The following HOXB3 variants were observed in gnomAD, a reference collection of about 807,000 sequenced individuals.
HOXB3 encodes the protein homeobox protein Hox-B3.
In HOXB3, 17 loss-of-function variants were observed where a neutral mutation model predicts 29.2. The observed-to-expected ratio is 0.58, with a 90% CI of 0.40 to 0.87. The LOEUF (loss-of-function observed/expected upper bound fraction) is 0.87, where lower values mean the gene tolerates loss of function less well. Among genes scored for constraint, HOXB3 ranks in the 40% least tolerant of loss-of-function variants. HOXB3 has a pLI of 0.00. For missense variants in HOXB3, 637 were observed against 616.3 expected, an observed-to-expected ratio of 1.03 and a Z score of -0.35; for synonymous variants, 317 against 285.9, an observed-to-expected ratio of 1.11 and a Z score of -1.10.
At chr17:48,576,532 C>T in intron 1 of HOXB3, 1 of 462,276 alleles carries the variant, frequency 2.2e-6, no homozygotes, top group South Asian at 5.7e-5. Flanking sequence ...CCGTGGCCCT[C>T]TATTGTCATT....
At chr17:48,572,888 A>G (rs2069632908) in intron 2 of HOXB3, among the ~76,000 whole-genome samples, 1 of 152,128 alleles carries the variant, frequency 6.6e-6, no homozygotes, top group Admixed American at 6.5e-5. Context: ...AGTCTCAGCG[A>G]GGTCAAGGGG....
At chr17:48,566,394 A>G (rs2069387933) in intron 2 of HOXB3, among the ~76,000 whole-genome samples, 1 of 151,248 alleles carries the variant, frequency 6.6e-6, no homozygotes, top group African/African-American at 2.4e-5. Context: ...GGGAGGGGGT[A>G]TCAGTGTCAC....
Position 48,550,545 on chromosome 17 carries a change from A to G in HOXB3, c.1085T>C (p.Leu362Pro), listed in dbSNP as rs1440033807. Residue 362 changes from leucine (L) to proline (P), a missense_variant, in exon 5 of 5, where the codon CTG becomes CCG. Physicochemically the swap from Leu to Pro is moderately conservative, Grantham distance 98. Coordinates refer to ENST00000498678, the MANE Select transcript of HOXB3 (RefSeq NM_001384749.1). The part of the protein sequence containing the change: ...YVGGGGYADP[L>P]PPPAGPSLYG... ...GAGGGAGGGGCCGGCAGGGGGCGGC[A>G]GCGGATCCGCGTAGCCGCCCCCGCC... 4 of 1,528,748 alleles carry G rather than the reference A, an allele frequency of 2.6e-6. No homozygotes were observed. The African/African-American group carries it at 4.2e-5, about 16-fold the overall frequency. The allele number at this position is 1,528,748 out of a possible 1,614,324, so 94.7% of individuals were successfully genotyped here.
Position 48,564,614 on chromosome 17 carries a change from T to C in HOXB3, c.-246-8996A>G, listed in dbSNP as rs563029926. 2.8e-3 allele frequency among the ~76,000 whole-genome samples: 428 copies of C among 152,246 alleles called. 1 individual carries two copies. The highest frequency in any genetic ancestry group is 6.8e-3 in the Middle Eastern group (2 of 294). On this transcript the variant is annotated intron_variant, in intron 2 of 4. Transcript: ENST00000498678. ...ACTCGGGCTTTGAGAGCGGGCCAAG[T>C]TGCCAGGCGAGAGGAGCGGCAACTG...
At chr17:48,577,795 AT>A in intron 1 of HOXB3, 1 of 1,296,810 alleles carries the variant, frequency 7.7e-7, no homozygotes, top group African/African-American at 1.5e-5. Flanking sequence ...CCCCCAACCC[AT>A]GCCTCCGAAG....
intron 4 of HOXB3, 127 bp downstream of exon 4, chr17:48,551,900 G>T: frequency 1.2e-6 from 1 of 850,156 alleles, no homozygotes; most frequent in Non-Finnish European, 1.9e-6. Flanking sequence ...TATCAAAAAT[G>T]TACCCGCTGG....
At position 48,555,359 on chromosome 17, in the gene HOXB3, AGAGAGGGAGG is replaced by A. The variant is rs1238261139; in HGVS notation, c.-159+162_-159+171del. Reference sequence around the variant, plus strand: ...GGGAGAGAGAGAGAGAGAGAGAGAGAGAGAGGGAGGGAGGGAGGGAGGGAGGGAGGGAGAG... The same window carrying A: ...GGGAGAGAGAGAGAGAGAGAGAGAGAGAGGGAGGGAGGGAGGGAGGGAGAG... On this transcript the variant is annotated intron_variant, in intron 3 of 4. Coordinates refer to ENST00000498678, the MANE Select transcript of HOXB3 (RefSeq NM_001384749.1). The A allele has an allele frequency of 3.5e-3, 1,804 of 516,478 alleles. 4 individuals are homozygous for A. Among genetic ancestry groups the A allele is most frequent in the African/African-American group, 0.019 (573 of 30,342 alleles). The allele number at this position is 516,478 out of a possible 1,614,324, so 32.0% of individuals were successfully genotyped here. A position where few individuals can be genotyped will look rare whatever the true frequency, so the allele number is the denominator to read the frequency against.
intron 1 of HOXB3, among the ~76,000 whole-genome samples, chr17:48,585,605 A>C (rs994382270): frequency 1.3e-5 from 2 of 152,102 alleles, no homozygotes; most frequent in African/African-American, 4.8e-5. Context: ...GGTGCGGACA[A>C]CCCGTGCGCT....
At position 48,554,777 on chromosome 17, in the gene HOXB3, G is replaced by A; in HGVS notation, c.-159+754C>T. 1 of 702,352 alleles carries A rather than the reference G, an allele frequency of 1.4e-6. No individual in the cohort carries two copies. Among genetic ancestry groups the A allele is most frequent in the Non-Finnish European group, 2.6e-6 (1 of 384,834 alleles). The allele number at this position is 702,352 out of a possible 1,614,324, so 43.5% of individuals were successfully genotyped here. A position where few individuals can be genotyped will look rare whatever the true frequency, so the allele number is the denominator to read the frequency against. On this transcript the variant is annotated intron_variant, in intron 3 of 4. Coordinates refer to ENST00000498678, the MANE Select transcript of HOXB3 (RefSeq NM_001384749.1). This position sits in a 1 kb window ranked among gnomAD's most constrained non-coding sequence, Gnocchi z 4.1. ...GAGCTGGAGGTAACCGAATTAAAAG[G>A]CGCCTTAGAAACTCCGCTTCGGGAC...
chr17:48,551,164 C>G lies in HOXB3; in HGVS notation c.466G>C (p.Gly156Arg). 1 of 1,304,856 alleles carries G rather than the reference C, an allele frequency of 7.7e-7. No individual in the cohort carries two copies. Among genetic ancestry groups the G allele is most frequent in the African/African-American group, 1.5e-5 (1 of 65,182 alleles). The allele number at this position is 1,304,856 out of a possible 1,614,324, so 80.8% of individuals were successfully genotyped here. A position where few individuals can be genotyped will look rare whatever the true frequency, so the allele number is the denominator to read the frequency against. The change falls in exon 5 of 5, where the codon GGC (glycine) becomes CGC (arginine). Residue 156 changes from glycine to arginine, a missense_variant. Physicochemically the swap from Gly to Arg is moderately radical, Grantham distance 125. Coordinates refer to ENST00000498678, the MANE Select transcript of HOXB3 (RefSeq NM_001384749.1). The stretch of plus-strand genomic sequence containing the variant: ...CCTCCGCCGCCGCCGCCACCGCCGC[C>G]GCCACCACAGCCCTCTGCTGGATCC... ...SPGTAEGCGG[G>R]GGGGGGGGSG...
chr17:48,556,155 T>TC (rs397700498), intron 2 of HOXB3, among the ~76,000 whole-genome samples: 3 of 151,174 alleles, frequency 2.0e-5, no homozygotes, highest in African/African-American at 4.9e-5. Flanking sequence ...TTTTTTTTTT[T>TC]CCTTAAAGAA....
chr17:48,577,720 C>A (rs773359561), intron 1 of HOXB3: 31 of 708,156 alleles, frequency 4.4e-5, no homozygotes, highest in Non-Finnish European at 5.9e-5. Context: ...TGAAAACAGG[C>A]GACCGTAAAT....
chr17:48,588,290 G>T (rs2070083997), intron 1 of HOXB3, among the ~76,000 whole-genome samples: 1 of 152,220 alleles, frequency 6.6e-6, no homozygotes, highest in Non-Finnish European at 1.5e-5. Flanking sequence ...GACCCTTCAA[G>T]AGTTTGTTCA....
rs1422726986 is a variant in HOXB3 at position 48,550,172 on chromosome 17, C to T, written c.*162G>A. 6 of 889,918 alleles carry T rather than the reference C, an allele frequency of 6.7e-6. No homozygotes were observed. The highest frequency in any genetic ancestry group is 3.3e-6 in the Non-Finnish European group (2 of 599,092). The allele number at this position is 889,918 out of a possible 1,614,324, so 55.1% of individuals were successfully genotyped here. A position where few individuals can be genotyped will look rare whatever the true frequency, so the allele number is the denominator to read the frequency against. The stretch of plus-strand genomic sequence containing the variant: ...AAGGGGTGGAAGACTTAAAAGCAAC[C>T]TCTCAGGCCAGGGGGAAGGGAAGGA... On this transcript the variant is annotated 3_prime_UTR_variant, in exon 5 of 5. Coordinates refer to ENST00000498678, the MANE Select transcript of HOXB3 (RefSeq NM_001384749.1).
rs147380384 is a variant in HOXB3, at chr17:48,550,010, C to T, written c.*324G>A. On this transcript the variant is annotated 3_prime_UTR_variant, in exon 5 of 5. Transcript: ENST00000498678. ...TGGTTTTTAAAATGTGCTTTTCTGC[C>T]TCGTCCTGTCTCGTCTTCCTCTACC... The T allele has an allele frequency of 2.2e-3, 602 of 275,794 alleles. 1 individual carries two copies. Among genetic ancestry groups the T allele is most frequent in the South Asian group, 3.2e-3 (52 of 16,300 alleles). The allele number at this position is 275,794 out of a possible 1,614,324, so 17.1% of individuals were successfully genotyped here.
chr17:48,553,774 T>C (rs561872038), intron 3 of HOXB3: 3 of 151,996 alleles, frequency 2.0e-5, no homozygotes, highest in Admixed American at 6.5e-5. Context: ...CAAACTAACA[T>C]AGGATTTTGT....
intron 2 of HOXB3, chr17:48,557,268 C>A (rs1056666365): frequency 6.6e-6 from 1 of 152,302 alleles, no homozygotes; most frequent in Non-Finnish European, 1.5e-5. Context: ...ATGTAAGGCA[C>A]TACCCTGTGA....
intron 1 of HOXB3, chr17:48,575,971 C>T (rs1597850386): frequency 6.6e-6 from 1 of 152,346 alleles, no homozygotes; most frequent in East Asian, 1.9e-4. Context: ...ACTCAATTTT[C>T]CTGCTCACTC....
chr17:48,551,357 C>T, intron 4 of HOXB3, 176 bp from the exon 5 acceptor site: 1 of 611,502 alleles, frequency 1.6e-6, no homozygotes, highest in Non-Finnish European at 2.3e-6. Flanking sequence ...CCGCCCGTCG[C>T]ATTAGCGGAC....
Sources: allele counts gnomAD v4.1 joint callset (sites outside exome capture counted in the v4.1 genomes callset), GRCh38; gene constraint gnomAD v4.1.1; non-coding constraint Gnocchi (gnomAD v3.1); transcripts MANE v1.5; gene names NCBI Gene and HGNC (gene_info 2026-07-23, HGNC 2026-07-21).